AGBL1: variants seen among roughly 807,000 people sequenced by gnomAD.
AGBL1 encodes the protein cytosolic carboxypeptidase 4.
A neutral mutation model predicts 118.9 loss-of-function variants in AGBL1; 130 were observed. That is an observed-to-expected ratio of 1.09 (90% CI 0.95 to 1.26). The LOEUF (loss-of-function observed/expected upper bound fraction) is 1.26. AGBL1 is among the 50% of genes most tolerant of loss of function. The pLI, the probability that AGBL1 is intolerant of heterozygous loss-of-function variation, is 0.00. For synonymous variants in AGBL1, 555 were observed against 478.9 expected (o/e 1.16, Z -2.08); for missense variants, 1,584 against 1,298.1 (o/e 1.22, Z -3.38).
chr15:86,156,727 T>A (rs969394820), intron 4 of AGBL1, among the ~76,000 whole-genome samples: 4 of 152,086 alleles, frequency 2.6e-5, no homozygotes, highest in African/African-American at 9.7e-5. Context: ...GACTTTTTAT[T>A]TCTAATTACC....
At chr15:86,769,858 A>G (rs2078149330) in intron 22 of AGBL1, among the ~76,000 whole-genome samples, 1 of 151,946 alleles carries the variant, frequency 6.6e-6, no homozygotes. Flanking sequence ...CACAAATGCA[A>G]ATCTGGGGAG....
rs890847508 is a variant in AGBL1 at position 86,160,613 on chromosome 15, C to T, written c.488+1587C>T. On this transcript the variant is annotated intron_variant, in intron 5 of 22. Coordinates refer to ENST00000614907, the MANE Select transcript of AGBL1 (RefSeq NM_001386094.1). ...CTGACATCTGCAGTCTCAACATGTT[C>T]TTTGGTTACCAATCTATGAACTTTA... 3.3e-5 allele frequency among the ~76,000 whole-genome samples: 5 copies of T among 152,194 alleles called. No individual in the cohort carries two copies. The East Asian group carries it at 9.6e-4, about 29-fold the overall frequency.
intron 17 of AGBL1, among the ~76,000 whole-genome samples, chr15:86,354,031 A>G (rs924151932): frequency 6.6e-6 from 1 of 152,224 alleles, no homozygotes; most frequent in Non-Finnish European, 1.5e-5. Context: ...TGTGAAGGAC[A>G]CTAATGAGGC....
intron 1 of AGBL1, among the ~76,000 whole-genome samples, chr15:86,120,523 T>C (rs1359378087): frequency 6.6e-6 from 1 of 152,186 alleles, no homozygotes; most frequent in South Asian, 2.1e-4. Flanking sequence ...CCTGGCCCCA[T>C]GGAGAAGAGC....
chr15:86,257,058 T>C (rs750006605), intron 8 of AGBL1, 40 bp downstream of exon 8: 5 of 1,582,282 alleles, frequency 3.2e-6, no homozygotes, highest in Non-Finnish European at 4.3e-6. Context: ...AGATGAGTTT[T>C]TGCATTTTGA....
chr15:86,388,163 T>A (rs2081224709), intron 17 of AGBL1, among the ~76,000 whole-genome samples: 1 of 152,190 alleles, frequency 6.6e-6, no homozygotes, highest in Admixed American at 6.5e-5. Context: ...GAAGGAATTG[T>A]GTCCCAGCAA....
chr15:86,699,863 A>G (rs2086325876), intron 22 of AGBL1, among the ~76,000 whole-genome samples: 1 of 152,056 alleles, frequency 6.6e-6, no homozygotes. Flanking sequence ...CCCTGAGACT[A>G]TATAAATGTT....
rs187290832 is a variant in AGBL1, at chr15:86,679,340, T to C, written c.3158+4904T>C. Among the ~76,000 whole-genome samples, 42 of 152,216 alleles carry C rather than the reference T, an allele frequency of 2.8e-4. 1 individual carries two copies. In the East Asian group the frequency reaches 7.1e-3, roughly 26 times the overall value. On this transcript the variant is annotated intron_variant, in intron 22 of 22. Transcript: ENST00000614907. Reference sequence around the variant, plus strand: ...TTAATCTCAATATTTAAAAAAGTTTTGTTCATCTAAAAAATGTGTATTTTT... The same window carrying C: ...TTAATCTCAATATTTAAAAAAGTTTCGTTCATCTAAAAAATGTGTATTTTT...
chr15:86,574,196 A>G (rs2084050238), intron 21 of AGBL1, among the ~76,000 whole-genome samples: 1 of 152,196 alleles, frequency 6.6e-6, no homozygotes, highest in Non-Finnish European at 1.5e-5. Flanking sequence ...GGAAGGCGAG[A>G]GCATTTATCT....
At chr15:86,274,007 A>C (rs75945673) in intron 15 of AGBL1, among the ~76,000 whole-genome samples, 2,597 of 152,324 alleles carry the variant, frequency 0.017, 41 homozygotes, top group East Asian at 0.052. Flanking sequence ...ATGTGCCACT[A>C]ATCAATAAGA....
At chr15:86,376,739 C>G (rs2081045418) in intron 17 of AGBL1, among the ~76,000 whole-genome samples, 1 of 152,196 alleles carries the variant, frequency 6.6e-6, no homozygotes, top group African/African-American at 2.4e-5. Flanking sequence ...ATGGCTCAAG[C>G]TCTCATCTTA....
chr15:86,928,003 A>G (rs1175865944), intron 23 of AGBL1, among the ~76,000 whole-genome samples: 1 of 152,170 alleles, frequency 6.6e-6, no homozygotes, highest in Non-Finnish European at 1.5e-5. Context: ...TGAGTCTTGC[A>G]CTTAAAATGT....
At chr15:86,271,737 T>C in intron 15 of AGBL1, 31 bp downstream of exon 15, 2 of 1,559,212 alleles carry the variant, frequency 1.3e-6, no homozygotes, top group South Asian at 1.1e-5. Flanking sequence ...CTTCCTTTTC[T>C]CTGTCCTGTA....
chr15:86,234,293 C>G lies in AGBL1; in HGVS notation c.526+9342C>G, dbSNP rs1483296660. 2.0e-5 allele frequency among the ~76,000 whole-genome samples: 3 copies of G among 152,168 alleles called. No homozygotes were observed. The East Asian group carries it at 5.8e-4, about 30-fold the overall frequency. On this transcript the variant is annotated intron_variant, in intron 6 of 22. Transcript: ENST00000614907. ...CAAGGCCGAGAGCGGTGGCTCATGC[C>G]TCTAATCCCAGCACTTTGGGAGGCC...
At chr15:86,614,968 CA>C (rs2142398138) in intron 21 of AGBL1, among the ~76,000 whole-genome samples, 1 of 152,180 alleles carries the variant, frequency 6.6e-6, no homozygotes, top group African/African-American at 2.4e-5. Context: ...AGAGAATGAG[CA>C]AAGTTGTTCT....
chr15:86,928,529 C>G (rs1485792904), intron 23 of AGBL1, among the ~76,000 whole-genome samples: 2 of 152,208 alleles, frequency 1.3e-5, no homozygotes, highest in African/African-American at 4.8e-5. Flanking sequence ...CTGGTTTGCT[C>G]TTTCCACTGC....
At chr15:86,656,548 C>T (rs952453159) in intron 21 of AGBL1, among the ~76,000 whole-genome samples, 4 of 152,146 alleles carry the variant, frequency 2.6e-5, no homozygotes, top group African/African-American at 9.7e-5. Context: ...TGTAGCCAGA[C>T]TTTGGTAGTG....
chr15:86,127,227 C>A (rs960069940), intron 1 of AGBL1, among the ~76,000 whole-genome samples: 2 of 152,086 alleles, frequency 1.3e-5, no homozygotes, highest in African/African-American at 2.4e-5. Flanking sequence ...TGTTTTCAAC[C>A]GTGGACATAG....
At chr15:86,255,524 G>A (rs1480970592) in intron 7 of AGBL1, among the ~76,000 whole-genome samples, 2 of 152,186 alleles carry the variant, frequency 1.3e-5, no homozygotes, top group African/African-American at 2.4e-5. Flanking sequence ...GCTCATGCCT[G>A]TAATCCCAGT....
Sources: gnomAD v4.1 joint callset for allele counts (sites outside exome capture counted in the v4.1 genomes callset) on GRCh38, gnomAD v4.1.1 for gene constraint, MANE v1.5 for transcripts, NCBI Gene and HGNC (gene_info 2026-07-23, HGNC 2026-07-21) for gene names.